Variants in SLC8B1 observed in about 807,000 individuals in gnomAD.
SLC8B1 encodes the protein solute carrier family 8 member B1, also known as mitochondrial sodium/calcium exchanger protein.
Under a neutral mutation model 63.4 loss-of-function variants are expected in SLC8B1, and 52 were observed. That is an observed-to-expected ratio of 0.82 (90% CI 0.66 to 1.03). SLC8B1 has a LOEUF of 1.03. Among genes scored for constraint, SLC8B1 ranks in the 50% least tolerant of loss-of-function variants. SLC8B1 has a pLI of 0.00. For missense variants in SLC8B1, 657 were observed against 741.7 expected (o/e 0.89, Z 1.33); for synonymous variants, 336 against 323.9 (o/e 1.04, Z -0.40).
In SLC8B1 at chr12:113,305,302, T is replaced by G. The variant is rs1956655910; in HGVS notation, c.1493-917A>C. 6.6e-6 allele frequency among the ~76,000 whole-genome samples: 1 copy of G among 152,236 alleles called. No homozygotes were observed. Among genetic ancestry groups the G allele is most frequent in the Non-Finnish European group, 1.5e-5 (1 of 68,034 alleles). ...GGGCCACCAAGGGCCTTGCTCAGCC[T>G]GGGAGTTAAAAGGGCAGGCATCACT... On this transcript the variant is annotated intron_variant, in intron 14 of 15. Coordinates refer to ENST00000680972, the MANE Select transcript of SLC8B1 (RefSeq NM_001358345.2). This position sits in a 1 kb window ranked among gnomAD's most constrained non-coding sequence, Gnocchi z 4.3.
intron 12 of SLC8B1, 82 bp downstream of exon 12, chr12:113,310,152 G>T: frequency 1.3e-6 from 2 of 1,513,896 alleles, no homozygotes; most frequent in Non-Finnish European, 1.8e-6. Flanking sequence ...TGGTCAAAGT[G>T]CCTCAGAGAT....
intron 11 of SLC8B1, among the ~76,000 whole-genome samples, chr12:113,314,025 A>G (rs1432573149): frequency 6.6e-6 from 1 of 150,960 alleles, no homozygotes; most frequent in East Asian, 1.9e-4. Flanking sequence ...AATAAAATAA[A>G]AATAAATAAA....
At chr12:113,333,074 T>C (rs960454862) in intron 1 of SLC8B1, 114 bp from the exon 2 acceptor site, 2 of 653,382 alleles carry the variant, frequency 3.1e-6, no homozygotes, top group Non-Finnish European at 5.1e-6. Flanking sequence ...GGCAGCAAAG[T>C]TAAGCTGACG....
chr12:113,303,137 A>ACGCGCGCG (rs1566222576), intron 15 of SLC8B1, among the ~76,000 whole-genome samples: 3 of 148,472 alleles, frequency 2.0e-5, no homozygotes, highest in African/African-American at 7.6e-5. Flanking sequence ...ACACACACAC[A>ACGCGCGCG]CACACGCGCG....
In SLC8B1 at chr12:113,331,650, G is replaced by A. The variant is rs533751152; in HGVS notation, c.156+1073C>T. ...CCACAGACTAAAGGCTGCACTGTCAGCTTCCCTGCTTTTGAGGTTTTGGGA... is the reference window on the plus strand; with the variant it reads ...CCACAGACTAAAGGCTGCACTGTCAACTTCCCTGCTTTTGAGGTTTTGGGA... On this transcript the variant is annotated intron_variant, in intron 2 of 15. Transcript: ENST00000680972. Among the ~76,000 whole-genome samples, 46 of 152,262 alleles carry A rather than the reference G, an allele frequency of 3.0e-4. No homozygotes were observed. In the South Asian group the frequency reaches 5.0e-3, roughly 16 times the overall value.
At chr12:113,316,081 A>C (rs113594331) in intron 10 of SLC8B1, among the ~76,000 whole-genome samples, 3 of 152,036 alleles carry the variant, frequency 2.0e-5, no homozygotes, top group East Asian at 1.9e-4. Flanking sequence ...AAAATTAGCC[A>C]GGCGTGGTGG....
intron 15 of SLC8B1, 85 bp from the exon 16 acceptor site, chr12:113,300,059 C>T: frequency 8.2e-7 from 1 of 1,221,008 alleles, no homozygotes. Context: ...AATGCAGCCT[C>T]AACAACAATG....
Position 113,300,075 on chromosome 12 carries a change from TCAA to T in SLC8B1, c.1558-104_1558-102del, listed in dbSNP as rs768934991. ...ATGCAGCCTCAACAACAATGCAGCC[TCAA>T]CAACAATGCAGCCTCAGCAACAATG... is the stretch of plus-strand genomic sequence containing the variant. On this transcript the variant is annotated intron_variant, in intron 15 of 15. Transcript: ENST00000680972. The T allele has an allele frequency of 1.5e-3, 1,308 of 901,950 alleles. 7 individuals carry two copies. The highest frequency in any genetic ancestry group is 0.014 in the African/African-American group (818 of 59,214). 55.9% of individuals were successfully genotyped at this position (901,950 alleles called of 1,614,324 possible).
chr12:113,330,651 G>T (rs964959760), intron 2 of SLC8B1, among the ~76,000 whole-genome samples: 2 of 152,132 alleles, frequency 1.3e-5, no homozygotes, highest in Non-Finnish European at 2.9e-5. Context: ...TCCAAGAGGG[G>T]GTACTCAATT....
At chr12:113,323,063 G>A (rs1463433211) in intron 2 of SLC8B1, among the ~76,000 whole-genome samples, 2 of 152,222 alleles carry the variant, frequency 1.3e-5, no homozygotes, top group Admixed American at 6.5e-5. Context: ...CAGGAGGCAA[G>A]GGAGCTGGGA....
intron 12 of SLC8B1, chr12:113,308,165 G>C (rs1194930152): frequency 8.6e-6 from 2 of 233,176 alleles, no homozygotes; most frequent in African/African-American, 2.3e-5. Flanking sequence ...TGGCCAACAT[G>C]GTGAAACCTT....
chr12:113,320,949 G>A lies in SLC8B1; in HGVS notation c.363-42C>T, dbSNP rs200944097. On this transcript the variant is annotated intron_variant, in intron 4 of 15. Coordinates refer to ENST00000680972, the MANE Select transcript of SLC8B1 (RefSeq NM_001358345.2). The surrounding 1 kb of genome is among the most constrained non-coding windows in gnomAD (Gnocchi z 5.3). The stretch of plus-strand genomic sequence containing the variant: ...GACGGGAAGCATTTCCGTAGTAACC[G>A]GCCCCGGACCCCTATCCTTCCCCCA... The A allele has an allele frequency of 2.1e-4, 330 of 1,592,478 alleles. 2 individuals are homozygous for A. In the African/African-American group the frequency reaches 3.8e-3, roughly 19 times the overall value.
At chr12:113,303,798 G>A (rs1366739608) in intron 15 of SLC8B1, among the ~76,000 whole-genome samples, 1 of 152,058 alleles carries the variant, frequency 6.6e-6, no homozygotes, top group Non-Finnish European at 1.5e-5. Flanking sequence ...CTTCCGCTGC[G>A]TGCTTATCCA....
At position 113,316,673 on chromosome 12, in the gene SLC8B1, G is replaced by A; in HGVS notation, c.863-17C>T. 1.2e-6 allele frequency: 2 copies of A among 1,611,420 alleles called. No individual in the cohort carries two copies. Among genetic ancestry groups the A allele is most frequent in the East Asian group, 4.5e-5 (2 of 44,878 alleles). The stretch of plus-strand genomic sequence containing the variant: ...ACTCATCACCTGTGTGCAGGGGTCG[G>A]GTGGTGAGGTGTGCCTGCGGCTGAC... On this transcript the variant is annotated splice_polypyrimidine_tract_variant and intron_variant, in intron 9 of 15. Coordinates refer to ENST00000680972, the MANE Select transcript of SLC8B1 (RefSeq NM_001358345.2).
chr12:113,314,303 G>A (rs543755079), intron 11 of SLC8B1, among the ~76,000 whole-genome samples: 9 of 152,284 alleles, frequency 5.9e-5, no homozygotes, highest in Admixed American at 2.0e-4. Context: ...GTTTCATCCC[G>A]ATGGAGTTTC....
chr12:113,310,988 G>C (rs1292560233), intron 11 of SLC8B1, among the ~76,000 whole-genome samples: 2 of 152,094 alleles, frequency 1.3e-5, no homozygotes, highest in Non-Finnish European at 2.9e-5. Context: ...TTTTAGTCTA[G>C]CTCATGGCTC....
chr12:113,317,025 A>C (rs1354877189), intron 8 of SLC8B1, 24 bp from the exon 9 acceptor site: 3 of 1,607,978 alleles, frequency 1.9e-6, no homozygotes, highest in South Asian at 2.2e-5. Context: ...GCCCAGTTAC[A>C]TACAGAACCC....
chr12:113,334,190 C>T (rs2136875791), intron 1 of SLC8B1, among the ~76,000 whole-genome samples: 1 of 152,270 alleles, frequency 6.6e-6, no homozygotes, highest in East Asian at 1.9e-4. Flanking sequence ...AAAATGGCTT[C>T]AATATATTTC....
chr12:113,328,280 C>T (rs959402448), intron 2 of SLC8B1, among the ~76,000 whole-genome samples: 5 of 152,164 alleles, frequency 3.3e-5, no homozygotes, highest in Admixed American at 6.5e-5. Flanking sequence ...CCTCCCGCCT[C>T]GGCCTTCCAA....
Sources: gnomAD v4.1 joint callset for allele counts (sites outside exome capture counted in the v4.1 genomes callset) on GRCh38, gnomAD v4.1.1 for gene constraint, Gnocchi (gnomAD v3.1) non-coding constraint, MANE v1.5 for transcripts, NCBI Gene and HGNC (gene_info 2026-07-23, HGNC 2026-07-21) for gene names.